The following OR2L13 variants were observed in gnomAD, a reference collection of about 807,000 sequenced individuals.
OR2L13 encodes olfactory receptor family 2 subfamily L member 13, also known as olfactory receptor 2L13.
OR2L13 carries 14 observed loss-of-function variants against 15.3 expected under a neutral mutation model. The observed-to-expected ratio is 0.91, with a 90% CI of 0.60 to 1.43. The LOEUF (loss-of-function observed/expected upper bound fraction) is 1.43, where lower values mean the gene tolerates loss of function less well. Ranked by LOEUF, OR2L13 falls within the 40% of genes most tolerant of loss-of-function variation. The pLI, the probability that OR2L13 is intolerant of heterozygous loss-of-function variation, is 0.00. For synonymous variants in OR2L13, 152 were observed against 142.9 expected, an observed-to-expected ratio of 1.06 and a Z score of -0.45; for missense variants, 367 against 387.9, an observed-to-expected ratio of 0.95 and a Z score of 0.45.
chr1:247,986,056 A>G, the OR2L13 span, among the ~76,000 whole-genome samples: 77 of 152,010 alleles, frequency 5.1e-4, 1 homozygote, highest in Middle Eastern at 6.8e-3. Flanking sequence ...CCATTCCGTA[A>G]GTTGCCTGTT....
chr1:248,071,693 G>A, the OR2L13 span, among the ~76,000 whole-genome samples: 2 of 151,256 alleles, frequency 1.3e-5, no homozygotes, highest in African/African-American at 4.9e-5. Flanking sequence ...AATTGTCCCT[G>A]TTTGCAGACG....
chr1:247,937,341 G>A, the OR2L13 span: 1 of 154,688 alleles, frequency 6.5e-6, no homozygotes, highest in South Asian at 1.7e-4. Context: ...CTACACACTG[G>A]TGTCTCCTGC....
At chr1:248,087,162 T>C in the OR2L13 span, among the ~76,000 whole-genome samples, 1 of 152,146 alleles carries the variant, frequency 6.6e-6, no homozygotes, top group South Asian at 2.1e-4. Context: ...GCTATTGATA[T>C]AACATGGAGA....
chr1:248,097,842 C>T (rs528019662), intron 1 of OR2L13, among the ~76,000 whole-genome samples: 1 of 152,320 alleles, frequency 6.6e-6, no homozygotes, highest in African/African-American at 2.4e-5. Flanking sequence ...TGTTGGGCAT[C>T]CCCTAAGGCC....
the OR2L13 span, among the ~76,000 whole-genome samples, chr1:248,030,386 T>C: frequency 2.0e-5 from 3 of 152,254 alleles, no homozygotes; most frequent in East Asian, 1.9e-4. Flanking sequence ...TCAGCAGAAA[T>C]ATTGGAGTAT....
the OR2L13 span, among the ~76,000 whole-genome samples, chr1:248,063,764 T>C: frequency 2.7e-5 from 4 of 150,496 alleles, no homozygotes; most frequent in Admixed American, 6.7e-5. Flanking sequence ...TGGAATCCTG[T>C]GGTGCTGTGA....
chr1:248,022,578 A>G, the OR2L13 span: 1 of 1,614,050 alleles, frequency 6.2e-7, no homozygotes, highest in Non-Finnish European at 8.5e-7. Context: ...GTTTCCCTTC[A>G]CTGGCATTGC....
At chr1:248,033,220 C>T in the OR2L13 span, among the ~76,000 whole-genome samples, 1 of 152,148 alleles carries the variant, frequency 6.6e-6, no homozygotes, top group East Asian at 1.9e-4. Context: ...AGCTCTTACA[C>T]TTAGGTCTTT....
chr1:247,990,130 G>T, the OR2L13 span: 1 of 414,742 alleles, frequency 2.4e-6, no homozygotes. Context: ...CAAAAATAGT[G>T]TATATAGGGT....
chr1:248,041,647 TCAAA>T, the OR2L13 span: 6 of 152,016 alleles, frequency 3.9e-5, no homozygotes, highest in East Asian at 1.2e-3. Context: ...TACAATGAAC[TCAAA>T]CAAACTTACA....
the OR2L13 span, among the ~76,000 whole-genome samples, chr1:247,959,741 C>G: frequency 6.6e-6 from 1 of 152,226 alleles, no homozygotes; most frequent in East Asian, 1.9e-4. Context: ...GAAGTGGCAA[C>G]TGAGGCTTGT....
the OR2L13 span, among the ~76,000 whole-genome samples, chr1:248,001,905 CT>C: frequency 6.6e-6 from 1 of 152,030 alleles, no homozygotes; most frequent in African/African-American, 2.4e-5. Flanking sequence ...GACAGTTTGT[CT>C]TAGACAGCCC....
At chr1:248,066,490 A>G in the OR2L13 span, among the ~76,000 whole-genome samples, 1 of 152,308 alleles carries the variant, frequency 6.6e-6, no homozygotes, top group East Asian at 1.9e-4. Context: ...GAAATATCTT[A>G]TCAATCACTG....
the OR2L13 span, chr1:248,061,764 T>C: frequency 2.8e-6 from 2 of 702,634 alleles, no homozygotes; most frequent in Admixed American, 6.1e-5. Flanking sequence ...CTGGACAAAA[T>C]TGTTTTACAT....
At chr1:247,967,831 GTTCTCCTCCTCTTCCTCC>G in the OR2L13 span, among the ~76,000 whole-genome samples, 20 of 151,268 alleles carry the variant, frequency 1.3e-4, no homozygotes, top group African/African-American at 4.4e-4. Flanking sequence ...CCAGTTGTAA[GTTCTCCTCCTCTTCCTCC>G]TTCTCCTCCT....
At chr1:248,075,852 A>C in the OR2L13 span, among the ~76,000 whole-genome samples, 1 of 150,662 alleles carries the variant, frequency 6.6e-6, no homozygotes, top group African/African-American at 2.4e-5. Context: ...AATCTCTTTA[A>C]TTAGATCCCA....
At chr1:248,052,922 CTTTTTA>C in the OR2L13 span, among the ~76,000 whole-genome samples, 71 of 151,660 alleles carry the variant, frequency 4.7e-4, no homozygotes, top group African/African-American at 8.9e-4. Flanking sequence ...GCTTTGTACA[CTTTTTA>C]TTTTTATTTT....
the OR2L13 span, chr1:247,965,551 A>G: frequency 9.9e-6 from 16 of 1,610,364 alleles, no homozygotes; most frequent in African/African-American, 1.3e-5. Context: ...CCACACTCCA[A>G]TGTACTTTCT....
the OR2L13 span, chr1:247,965,506 A>G: frequency 1.9e-6 from 3 of 1,613,578 alleles, no homozygotes; most frequent in Non-Finnish European, 2.5e-6. Flanking sequence ...AGGAAATATC[A>G]TGCTGATCCA....
Sources: allele counts gnomAD v4.1 joint callset (sites outside exome capture counted in the v4.1 genomes callset), GRCh38; gene constraint gnomAD v4.1.1; transcripts MANE v1.5; gene names NCBI Gene and HGNC (gene_info 2026-07-23, HGNC 2026-07-21).